Variants in RANBP17 observed in about 807,000 individuals in gnomAD.
The protein encoded by RANBP17 is ran-binding protein 17.
RANBP17 carries 158 observed loss-of-function variants against 141.2 expected under a neutral mutation model. That is an observed-to-expected ratio of 1.12 (90% CI 0.98 to 1.28). The LOEUF is 1.28. Ranked by LOEUF, RANBP17 falls within the 50% of genes most tolerant of loss-of-function variation. The pLI is 0.00. For missense variants in RANBP17, 1,438 were observed against 1,290.7 expected, an observed-to-expected ratio of 1.11 and a Z score of -1.75; for synonymous variants, 430 against 450.0, an observed-to-expected ratio of 0.96 and a Z score of 0.56.
chr5:170,976,675 A>C (rs960863864), intron 14 of RANBP17, among the ~76,000 whole-genome samples: 4 of 152,148 alleles, frequency 2.6e-5, no homozygotes, highest in Admixed American at 6.5e-5. Context: ...ATATAAACGA[A>C]TGAAATAGAA....
rs540966259 is a variant in RANBP17 at position 170,986,796 on chromosome 5, C to T, written c.1710+18419C>T. 3.3e-4 allele frequency among the ~76,000 whole-genome samples: 50 copies of T among 151,952 alleles called. 1 individual carries two copies. In the South Asian group the frequency reaches 7.0e-3, roughly 21 times the overall value. ...TATGAAGCAGCAGATGGCATTCTTT[C>T]CCTGCAATTGTTATGTCTTCCTGTA... On this transcript the variant is annotated intron_variant, in intron 14 of 27. Coordinates refer to ENST00000523189, the MANE Select transcript of RANBP17 (RefSeq NM_022897.5).
intron 14 of RANBP17, among the ~76,000 whole-genome samples, chr5:171,023,952 T>C (rs1446560415): frequency 6.6e-6 from 1 of 152,164 alleles, no homozygotes; most frequent in Non-Finnish European, 1.5e-5. Context: ...GTTGCAAAAA[T>C]CAAGAGAGTA....
chr5:171,090,962 G>A (rs1012227244), intron 14 of RANBP17, among the ~76,000 whole-genome samples: 2 of 152,236 alleles, frequency 1.3e-5, no homozygotes, highest in African/African-American at 4.8e-5. Flanking sequence ...GAGAACCTCT[G>A]CTAGGGCAGT....
At chr5:170,989,697 T>C (rs1028982065) in intron 14 of RANBP17, among the ~76,000 whole-genome samples, 2 of 151,740 alleles carry the variant, frequency 1.3e-5, no homozygotes, top group Non-Finnish European at 1.5e-5. Context: ...AATAATGTAT[T>C]GGAGTATGTG....
At chr5:171,000,987 G>A (rs1779165053) in intron 14 of RANBP17, among the ~76,000 whole-genome samples, 1 of 152,168 alleles carries the variant, frequency 6.6e-6, no homozygotes, top group African/African-American at 2.4e-5. Context: ...GGATGTATAT[G>A]TGCAGGTCAC....
intron 5 of RANBP17, chr5:170,896,350 A>C (rs891902008): frequency 2.3e-6 from 1 of 428,058 alleles, no homozygotes; most frequent in African/African-American, 2.1e-5. Context: ...ACAGAGAATT[A>C]GACATGGTTC....
At chr5:170,921,156 G>A (rs1255569705) in intron 11 of RANBP17, among the ~76,000 whole-genome samples, 1 of 152,104 alleles carries the variant, frequency 6.6e-6, no homozygotes, top group Non-Finnish European at 1.5e-5. Context: ...TAGTCATGAA[G>A]TCCTTGCCCA....
intron 24 of RANBP17, chr5:171,251,946 G>C (rs1267524519): frequency 7.5e-6 from 12 of 1,608,972 alleles, no homozygotes; most frequent in Non-Finnish European, 1.0e-5. Flanking sequence ...TCAGTTTTGG[G>C]AATACCTGCT....
At chr5:171,193,562 T>A (rs976426978) in intron 18 of RANBP17, among the ~76,000 whole-genome samples, 1 of 152,210 alleles carries the variant, frequency 6.6e-6, no homozygotes, top group Non-Finnish European at 1.5e-5. Flanking sequence ...TATTTTATAA[T>A]CCTGGAGGTC....
chr5:170,934,299 A>G (rs1023447281), intron 12 of RANBP17, among the ~76,000 whole-genome samples: 19 of 152,250 alleles, frequency 1.2e-4, no homozygotes, highest in Admixed American at 9.8e-4. Flanking sequence ...TTTTGAGCCT[A>G]TGTGTGTCTC....
chr5:171,241,040 T>A lies in RANBP17; in HGVS notation c.2535T>A (p.Tyr845Ter). The A allele has an allele frequency of 6.2e-7, 1 of 1,614,040 alleles. No individual in the cohort carries two copies. The highest frequency in any genetic ancestry group is 8.5e-7 in the Non-Finnish European group (1 of 1,179,938). ...SALKSALCGN[Y>*]VSFGVFKLYG... ...TCAAGTCTGCCTTGTGTGGAAATTA[T>A]GTCAGCTTTGGCGTCTTCAAGTTGT... Residue 845 changes from tyrosine to a stop codon, truncating the protein, a stop_gained, in exon 23 of 28, where the codon TAT becomes TAA. Coordinates refer to ENST00000523189, the MANE Select transcript of RANBP17 (RefSeq NM_022897.5). LOFTEE classifies it high-confidence loss of function.
intron 8 of RANBP17, 48 bp downstream of exon 8, chr5:170,914,288 A>G: frequency 1.7e-6 from 2 of 1,192,988 alleles, no homozygotes; most frequent in Non-Finnish European, 2.5e-6. Flanking sequence ...CTGTGTAAAT[A>G]AGGGGTGGTA....
In RANBP17 at chr5:171,183,339, T is replaced by A; in HGVS notation, c.1947T>A (p.Phe649Leu). Residue 649 changes from phenylalanine (F) to leucine (L), a missense_variant, in exon 18 of 28, where the codon TTT becomes TTA. Phe to Leu is a conservative substitution (Grantham distance 22). Transcript: ENST00000523189. ...LKNHTSEHFP[F>L]LGISDNHSLS... The stretch of plus-strand genomic sequence containing the variant: ...TTCATTAGAGTGAACACTTCCCTTT[T>A]CTTGGCATCAGTGACAATCATAGTC... 1.9e-6 allele frequency: 3 copies of A among 1,613,966 alleles called. No individual in the cohort carries two copies. Among genetic ancestry groups the A allele is most frequent in the Non-Finnish European group, 2.5e-6 (3 of 1,179,830 alleles).
At chr5:171,281,535 G>A (rs1000612194) in intron 25 of RANBP17, among the ~76,000 whole-genome samples, 1 of 152,120 alleles carries the variant, frequency 6.6e-6, no homozygotes, top group African/African-American at 2.4e-5. Flanking sequence ...GGCTACATGA[G>A]CCCTGAAGGC....
chr5:171,089,324 C>T (rs1157654562), intron 14 of RANBP17, among the ~76,000 whole-genome samples: 1 of 137,072 alleles, frequency 7.3e-6, no homozygotes, highest in African/African-American at 2.7e-5. Context: ...GTTCTCAGAT[C>T]TCCAGCTGCG....
chr5:171,020,343 A>G (rs1039984403), intron 14 of RANBP17, among the ~76,000 whole-genome samples: 1 of 152,124 alleles, frequency 6.6e-6, no homozygotes, highest in Non-Finnish European at 1.5e-5. Context: ...TGTCTTGTTG[A>G]TCTGTCTAAA....
chr5:171,147,339 T>TG (rs1554105339), intron 14 of RANBP17, among the ~76,000 whole-genome samples: 141 of 104,850 alleles, frequency 1.3e-3, no homozygotes, highest in Non-Finnish European at 2.3e-3. Flanking sequence ...CTTGGTTGTT[T>TG]TGTGTGTGTG....
chr5:171,168,144 G>A (rs1581778816), intron 14 of RANBP17, among the ~76,000 whole-genome samples: 1 of 152,270 alleles, frequency 6.6e-6, no homozygotes, highest in East Asian at 1.9e-4. Context: ...TGTCATGAGG[G>A]AGATTCACAT....
At chr5:171,081,855 A>G (rs1349985175) in intron 14 of RANBP17, among the ~76,000 whole-genome samples, 1 of 152,122 alleles carries the variant, frequency 6.6e-6, no homozygotes, top group Non-Finnish European at 1.5e-5. Flanking sequence ...TATCAGATGA[A>G]CAGTTCTTTT....
Sources: allele counts gnomAD v4.1 joint callset (sites outside exome capture counted in the v4.1 genomes callset), GRCh38; gene constraint gnomAD v4.1.1; transcripts MANE v1.5; gene names NCBI Gene and HGNC (gene_info 2026-07-23, HGNC 2026-07-21).